The following BRCA1 variants were observed in gnomAD, a reference collection of about 807,000 sequenced individuals.
BRCA1 encodes breast cancer type 1 susceptibility protein.
A neutral mutation model predicts 173.7 loss-of-function variants in BRCA1; 140 were observed. That is an observed-to-expected ratio of 0.81 (90% CI 0.70 to 0.93). The LOEUF (loss-of-function observed/expected upper bound fraction) is 0.93. Ranked by LOEUF, BRCA1 falls within the 40% of genes least tolerant of loss-of-function variation. The pLI is 0.00. For missense variants in BRCA1, 1,983 were observed against 2,172.5 expected, an observed-to-expected ratio of 0.91 and a Z score of 1.73; for synonymous variants, 662 against 756.0, an observed-to-expected ratio of 0.88 and a Z score of 2.04.
intron 2 of BRCA1, among the ~76,000 whole-genome samples, chr17:43,117,194 C>T (rs371296340): frequency 2.6e-5 from 4 of 152,164 alleles, no homozygotes; most frequent in African/African-American, 9.7e-5. Flanking sequence ...GTAATCCTAG[C>T]ACTTTGGGAG....
intron 4 of BRCA1, among the ~76,000 whole-genome samples, chr17:43,105,262 C>T (rs888267868): frequency 2.6e-5 from 4 of 151,848 alleles, no homozygotes; most frequent in Non-Finnish European, 5.9e-5. Context: ...AATTTAGAGA[C>T]AGGGTCTTGC....
chr17:43,073,809 C>T (rs917630042), intron 14 of BRCA1, among the ~76,000 whole-genome samples: 1 of 151,800 alleles, frequency 6.6e-6, no homozygotes, highest in Non-Finnish European at 1.5e-5. Flanking sequence ...GACTGGAGTG[C>T]AGTGGTGTGA....
intron 1 of BRCA1, chr17:43,145,069 G>A: frequency 1.2e-6 from 1 of 816,124 alleles, no homozygotes. Context: ...AGCCGAAAAA[G>A]GCAGCAGCGA....
intron 12 of BRCA1, among the ~76,000 whole-genome samples, chr17:43,081,425 G>GT (rs1433306197): frequency 5.3e-5 from 8 of 152,174 alleles, no homozygotes; most frequent in Non-Finnish European, 1.0e-4. Context: ...TTCTGTATAA[G>GT]TAGCAGACTT....
chr17:43,109,237 T>G (rs958308741), intron 3 of BRCA1, among the ~76,000 whole-genome samples: 1 of 152,024 alleles, frequency 6.6e-6, no homozygotes, highest in East Asian at 1.9e-4. Flanking sequence ...CCTCAAGTGA[T>G]CCTCCTGCCT....
intron 13 of BRCA1, among the ~76,000 whole-genome samples, 184 bp downstream of exon 13, chr17:43,076,304 C>T (rs1334167668): frequency 1.1e-4 from 16 of 151,720 alleles, no homozygotes; most frequent in Non-Finnish European, 1.5e-5. Context: ...CATGTTGTAG[C>T]TTATGTTATA....
At chr17:43,136,233 T>A (rs2056022258) in intron 1 of BRCA1, among the ~76,000 whole-genome samples, 1 of 152,224 alleles carries the variant, frequency 6.6e-6, no homozygotes, top group Non-Finnish European at 1.5e-5. Context: ...GCTAGCCATA[T>A]GCAGAAAACT....
intron 1 of BRCA1, among the ~76,000 whole-genome samples, chr17:43,137,200 A>G (rs2056032374): frequency 7.0e-6 from 1 of 143,494 alleles, no homozygotes; most frequent in South Asian, 2.2e-4. Context: ...CAAACACCAC[A>G]TGTTCTCATA....
At chr17:43,056,226 T>A (rs1164145442) in intron 19 of BRCA1, among the ~76,000 whole-genome samples, 1 of 150,682 alleles carries the variant, frequency 6.6e-6, no homozygotes, top group Admixed American at 6.7e-5. Context: ...TAGGCTGGAG[T>A]GCAGTGGCGC....
intron 15 of BRCA1, among the ~76,000 whole-genome samples, chr17:43,070,700 A>G (rs1228196634): frequency 6.6e-6 from 1 of 152,226 alleles, no homozygotes; most frequent in Admixed American, 6.5e-5. Context: ...CTTTTCCACT[A>G]ATATTTAATA....
intron 4 of BRCA1, among the ~76,000 whole-genome samples, chr17:43,105,677 T>C (rs1407640480): frequency 6.6e-6 from 1 of 152,196 alleles, no homozygotes; most frequent in East Asian, 1.9e-4. Flanking sequence ...TTGGGTTTAG[T>C]AAAGTGGAAT....
chr17:43,065,110 C>A (rs183529484), intron 16 of BRCA1, among the ~76,000 whole-genome samples: 19 of 152,108 alleles, frequency 1.2e-4, no homozygotes, highest in Admixed American at 1.2e-3. Context: ...GATTACAGGC[C>A]TGAGCCACCA....
chr17:43,152,971 G>A (rs973260824), intron 1 of BRCA1, among the ~76,000 whole-genome samples: 15 of 152,108 alleles, frequency 9.9e-5, no homozygotes, highest in African/African-American at 3.6e-4. Context: ...GGAGGCGGAG[G>A]TTGCAGTGAG....
intron 16 of BRCA1, among the ~76,000 whole-genome samples, chr17:43,067,107 C>T (rs894150666): frequency 4.6e-5 from 7 of 151,350 alleles, no homozygotes; most frequent in African/African-American, 7.3e-5. Flanking sequence ...TGTGAGCCAC[C>T]GTGCCTGGCC....
In BRCA1 at chr17:43,122,695, G is replaced by A. The variant is rs548359710; in HGVS notation, c.80+1322C>T. 4.5e-4 allele frequency among the ~76,000 whole-genome samples: 68 copies of A among 152,172 alleles called. No homozygotes were observed. In the Middle Eastern group the frequency reaches 0.01, roughly 23 times the overall value. On this transcript the variant is annotated intron_variant, in intron 2 of 22. Coordinates refer to ENST00000357654, the MANE Select transcript of BRCA1 (RefSeq NM_007294.4). The stretch of plus-strand genomic sequence containing the variant: ...GGCCAAGGGAGGGTAGATCACTTGA[G>A]GTCAGGAGTTTGAGACCAGCATGGC...
chr17:43,068,552 T>C (rs1198150024), intron 15 of BRCA1, among the ~76,000 whole-genome samples: 1 of 148,962 alleles, frequency 6.7e-6, no homozygotes, highest in Admixed American at 6.7e-5. Context: ...TTTCATGTCT[T>C]TAAAAAAAAA....
chr17:43,116,122 A>T (rs150043511), intron 2 of BRCA1, among the ~76,000 whole-genome samples: 5 of 152,322 alleles, frequency 3.3e-5, no homozygotes, highest in Non-Finnish European at 7.4e-5. Flanking sequence ...CTGTGGGTGC[A>T]CATCTCATCT....
chr17:43,066,656 G>T (rs2052084281), intron 16 of BRCA1, among the ~76,000 whole-genome samples: 1 of 150,618 alleles, frequency 6.6e-6, no homozygotes, highest in Middle Eastern at 3.2e-3. Context: ...TGATCTGCCC[G>T]CCTCAGGCTC....
rs1486501757 is a variant in BRCA1, at chr17:43,106,112, C to A, written c.212+344G>T. Among the ~76,000 whole-genome samples, 12 of 148,674 alleles carry A rather than the reference C, an allele frequency of 8.1e-5. No homozygotes were observed. In the East Asian group the frequency reaches 2.4e-3, roughly 29 times the overall value. ...CCAGCCTCAGTGACAGAGCAGGACC[C>A]TGTCTTAAAAAAAAAAAAAAAAAGA... On this transcript the variant is annotated intron_variant, in intron 4 of 22. Coordinates refer to ENST00000357654, the MANE Select transcript of BRCA1 (RefSeq NM_007294.4).
Sources: gnomAD v4.1 joint callset for allele counts (sites outside exome capture counted in the v4.1 genomes callset) on GRCh38, gnomAD v4.1.1 for gene constraint, MANE v1.5 for transcripts, NCBI Gene and HGNC (gene_info 2026-07-23, HGNC 2026-07-21) for gene names.